The following LNPK variants were observed in gnomAD, a reference collection of about 807,000 sequenced individuals.
The protein encoded by LNPK is lunapark, ER junction formation factor, also known as endoplasmic reticulum junction formation protein lunapark.
A neutral mutation model predicts 55.2 loss-of-function variants in LNPK; 29 were observed. The ratio of observed to expected loss-of-function variants is 0.53; its 90% CI spans 0.39 to 0.72. The LOEUF (loss-of-function observed/expected upper bound fraction) is 0.72. LNPK is among the 30% of genes least tolerant of loss of function. LNPK has a pLI of 0.00. For synonymous variants in LNPK, 162 were observed against 168.2 expected, an observed-to-expected ratio of 0.96 and a Z score of 0.29; for missense variants, 467 against 494.8, an observed-to-expected ratio of 0.94 and a Z score of 0.53.
rs1269207734 is a variant in LNPK, at chr2:175,925,369, C to T, written c.*4598G>A. On this transcript the variant is annotated 3_prime_UTR_variant, in exon 13 of 13. Transcript: ENST00000272748. ...AAACAGCTATTTTTATTTAGTGCCCCCAATGTCTATGTGAGTGGGAGCGTA... is the reference window on the plus strand; with the variant it reads ...AAACAGCTATTTTTATTTAGTGCCCTCAATGTCTATGTGAGTGGGAGCGTA... 6.6e-6 allele frequency: 1 copy of T among 152,080 alleles called. No homozygotes were observed. The highest frequency in any genetic ancestry group is 1.9e-4 in the East Asian group (1 of 5,180). 9.4% of individuals were successfully genotyped at this position (152,080 alleles called of 1,614,324 possible).
At chr2:175,994,192 A>G (rs1371810453) in intron 2 of LNPK, 1 of 981,710 alleles carries the variant, frequency 1.0e-6, no homozygotes, top group Non-Finnish European at 1.2e-6. Context: ...TAGTTTCCAT[A>G]AGAGTTGTTA....
At chr2:175,958,210 G>C (rs1213326864) in intron 8 of LNPK, among the ~76,000 whole-genome samples, 1 of 152,250 alleles carries the variant, frequency 6.6e-6, no homozygotes, top group African/African-American at 2.4e-5. Flanking sequence ...GAGAGCACTG[G>C]TTCTCCCAGC....
chr2:175,943,551 TATAAG>T (rs562772940), intron 9 of LNPK, among the ~76,000 whole-genome samples: 72 of 152,120 alleles, frequency 4.7e-4, no homozygotes, highest in Admixed American at 5.9e-4. Flanking sequence ...ACAATATGCA[TATAAG>T]ATAATTCATC....
chr2:175,954,494 T>C (rs1427050736), intron 8 of LNPK, among the ~76,000 whole-genome samples: 1 of 152,236 alleles, frequency 6.6e-6, no homozygotes, highest in Non-Finnish European at 1.5e-5. Flanking sequence ...ACAGAAAAGC[T>C]ATCTTTAAGC....
intron 4 of LNPK, among the ~76,000 whole-genome samples, chr2:175,985,966 C>T (rs970165681): frequency 1.3e-5 from 2 of 152,082 alleles, no homozygotes; most frequent in African/African-American, 4.8e-5. Context: ...CCTGCCTGTA[C>T]ATTTTTTTCT....
chr2:175,970,979 T>C (rs1686632771), intron 5 of LNPK, among the ~76,000 whole-genome samples, 175 bp from the exon 6 acceptor site: 1 of 152,112 alleles, frequency 6.6e-6, no homozygotes, highest in Non-Finnish European at 1.5e-5. Context: ...AGTTCATATT[T>C]TTGCCTGTAT....
intron 9 of LNPK, among the ~76,000 whole-genome samples, chr2:175,946,966 A>G (rs1399687744): frequency 3.9e-5 from 6 of 152,122 alleles, no homozygotes; most frequent in Non-Finnish European, 8.8e-5. Flanking sequence ...CATTTAATAG[A>G]GCTTTATAAA....
At chr2:175,991,113 T>G (rs943595561) in intron 4 of LNPK, among the ~76,000 whole-genome samples, 6 of 152,192 alleles carry the variant, frequency 3.9e-5, no homozygotes, top group African/African-American at 1.2e-4. Flanking sequence ...AGACATTCTG[T>G]TACAACTAGA....
chr2:175,950,680 A>G (rs1318830085), intron 8 of LNPK, among the ~76,000 whole-genome samples: 2 of 152,102 alleles, frequency 1.3e-5, no homozygotes, highest in Non-Finnish European at 2.9e-5. Flanking sequence ...TGTTTACTAG[A>G]TGTGTATGCT....
chr2:175,937,754 G>T, intron 11 of LNPK: 1 of 325,506 alleles, frequency 3.1e-6, no homozygotes, highest in East Asian at 5.4e-5. Flanking sequence ...TTACATAGCA[G>T]GCTAACTATG....
intron 4 of LNPK, among the ~76,000 whole-genome samples, chr2:175,980,515 A>G (rs1387295297): frequency 6.6e-6 from 1 of 152,248 alleles, no homozygotes; most frequent in Non-Finnish European, 1.5e-5. Context: ...AATTAAAAGA[A>G]ACTAAATGAA....
chr2:175,951,130 G>A (rs1685376818), intron 8 of LNPK, among the ~76,000 whole-genome samples: 1 of 151,916 alleles, frequency 6.6e-6, no homozygotes, highest in Non-Finnish European at 1.5e-5. Context: ...GCTGCTAGAA[G>A]GTTTTGTCTT....
intron 8 of LNPK, among the ~76,000 whole-genome samples, chr2:175,956,018 G>C (rs945659666): frequency 2.0e-5 from 3 of 152,110 alleles, no homozygotes; most frequent in Admixed American, 6.6e-5. Flanking sequence ...GGTGATTAAG[G>C]CCTGTAATTC....
At chr2:175,970,895 T>C in intron 5 of LNPK, 91 bp from the exon 6 acceptor site, 1 of 1,152,374 alleles carries the variant, frequency 8.7e-7, no homozygotes, top group Non-Finnish European at 1.2e-6. Context: ...ACAAGAAAAC[T>C]TTCTTATTTT....
In LNPK at chr2:175,926,264, G is replaced by A. The variant is rs1684003878; in HGVS notation, c.*3703C>T. 6.6e-6 allele frequency: 1 copy of A among 152,206 alleles called. No individual in the cohort carries two copies. Among genetic ancestry groups the A allele is most frequent in the South Asian group, 2.1e-4 (1 of 4,832 alleles). The allele number at this position is 152,206 out of a possible 1,614,324, so 9.4% of individuals were successfully genotyped here. ...AAAACTTATGCTAACTGTTGCATTG[G>A]AAGGTGGAGCCTAATGGAGATGTTT... is the stretch of plus-strand genomic sequence containing the variant. On this transcript the variant is annotated 3_prime_UTR_variant, in exon 13 of 13. Transcript: ENST00000272748.
Position 175,929,431 on chromosome 2 carries a change from G to A in LNPK, c.*536C>T. 1.0e-6 allele frequency: 1 copy of A among 986,088 alleles called. No individual in the cohort carries two copies. 61.1% of individuals were successfully genotyped at this position (986,088 alleles called of 1,614,324 possible). On this transcript the variant is annotated 3_prime_UTR_variant, in exon 13 of 13. Transcript: ENST00000272748. Reference sequence around the variant, plus strand: ...AACTGTTCCACTGCATTCTTATTGAGAATTCGTACCAGTGCCTATGTGGTA... The same window carrying A: ...AACTGTTCCACTGCATTCTTATTGAAAATTCGTACCAGTGCCTATGTGGTA...
At chr2:175,956,097 T>C (rs1000885713) in intron 8 of LNPK, among the ~76,000 whole-genome samples, 3 of 151,722 alleles carry the variant, frequency 2.0e-5, no homozygotes, top group South Asian at 2.1e-4. Context: ...CTGGGCAACA[T>C]AGTGAAACCC....
intron 12 of LNPK, chr2:175,931,980 TG>T: frequency 3.2e-6 from 1 of 309,838 alleles, no homozygotes; most frequent in Non-Finnish European, 6.5e-6. Context: ...AGTATTTACT[TG>T]GCAAGAACTT....
chr2:175,938,667 C>A (rs569082969), intron 10 of LNPK: 4 of 201,786 alleles, frequency 2.0e-5, no homozygotes, highest in African/African-American at 9.3e-5. Flanking sequence ...ACATATTTGA[C>A]AACTGAACAC....
Sources: allele counts gnomAD v4.1 joint callset (sites outside exome capture counted in the v4.1 genomes callset), GRCh38; gene constraint gnomAD v4.1.1; transcripts MANE v1.5; gene names NCBI Gene and HGNC (gene_info 2026-07-23, HGNC 2026-07-21).